ZCWPW2: variants seen among roughly 807,000 people sequenced by gnomAD.
The protein encoded by ZCWPW2 is zinc finger CW-type and PWWP domain containing 2.
ZCWPW2 carries 45 observed loss-of-function variants against 46.6 expected under a neutral mutation model. The ratio of observed to expected loss-of-function variants is 0.96; its 90% confidence interval spans 0.76 to 1.24. ZCWPW2 has a LOEUF of 1.24. ZCWPW2 is among the 50% of genes most tolerant of loss of function. The pLI is 0.00. For synonymous variants in ZCWPW2, 152 were observed against 137.1 expected (o/e 1.11, Z -0.76); for missense variants, 429 against 403.9 (o/e 1.06, Z -0.53).
At chr3:28,406,130 T>C (rs142134902) in intron 2 of ZCWPW2, among the ~76,000 whole-genome samples, 1 of 152,282 alleles carries the variant, frequency 6.6e-6, no homozygotes, top group Non-Finnish European at 1.5e-5. Flanking sequence ...TGACTGCTAA[T>C]AGTAAAGTAT....
Position 28,413,270 on chromosome 3 carries a change from T to A in ZCWPW2, c.202T>A (p.Tyr68Asn). 3 of 1,613,358 alleles carry A rather than the reference T, an allele frequency of 1.9e-6. No homozygotes were observed. Among genetic ancestry groups the A allele is most frequent in the Non-Finnish European group, 2.5e-6 (3 of 1,179,546 alleles). The change falls in exon 3 of 10, where the codon TAT becomes AAT. Residue 68 changes from tyrosine (Y) to asparagine (N), a missense_variant. By Grantham distance (143) the Tyr-to-Asn change is moderately radical. Transcript: ENST00000383768. ...CTGCTTCATGAACACTGATTCAAGATATAATAACTGCTCAATTTCTGAAGA... is the reference window on the plus strand; with the variant it reads ...CTGCTTCATGAACACTGATTCAAGAAATAATAACTGCTCAATTTCTGAAGA... ...WYCFMNTDSR[Y>N]NNCSISEEDF...
At chr3:28,436,431 C>T (rs1697502884) in intron 4 of ZCWPW2, among the ~76,000 whole-genome samples, 1 of 149,410 alleles carries the variant, frequency 6.7e-6, no homozygotes, top group Middle Eastern at 3.4e-3. Flanking sequence ...ACTACTGTGC[C>T]CAGCTGGATG....
chr3:28,514,228 G>A, intron 7 of ZCWPW2, 106 bp downstream of exon 7: 1 of 671,678 alleles, frequency 1.5e-6, no homozygotes, highest in Non-Finnish European at 2.1e-6. Context: ...TTTACGTCTA[G>A]TCAACCACTG....
chr3:28,501,317 T>A (rs1700136472), intron 6 of ZCWPW2, among the ~76,000 whole-genome samples: 1 of 152,168 alleles, frequency 6.6e-6, no homozygotes, highest in Non-Finnish European at 1.5e-5. Flanking sequence ...TTTCTTATTA[T>A]GCCAGCTCAG....
At chr3:28,353,350 T>A (rs879783712) in intron 1 of ZCWPW2, among the ~76,000 whole-genome samples, 8 of 152,212 alleles carry the variant, frequency 5.3e-5, no homozygotes, top group Non-Finnish European at 1.2e-4. Context: ...GATAGGGTGA[T>A]CAATTTAAAA....
chr3:28,362,061 A>T lies in ZCWPW2; in HGVS notation c.-134+12858A>T, dbSNP rs189986159. Among the ~76,000 whole-genome samples the T allele has an allele frequency of 1.2e-4, 19 of 152,302 alleles. No homozygotes were observed. In the East Asian group the frequency reaches 2.3e-3, roughly 19 times the overall value. ...GAATTAAAAAGAAGATCTGGAAGAGATATCTATATTCTCGTGTTCATTGCA... is the reference window on the plus strand; with the variant it reads ...GAATTAAAAAGAAGATCTGGAAGAGTTATCTATATTCTCGTGTTCATTGCA... On this transcript the variant is annotated intron_variant, in intron 1 of 9. Coordinates refer to ENST00000383768, the MANE Select transcript of ZCWPW2 (RefSeq NM_001040432.4).
At chr3:28,382,254 G>A (rs975749671) in intron 1 of ZCWPW2, among the ~76,000 whole-genome samples, 1 of 152,002 alleles carries the variant, frequency 6.6e-6, no homozygotes, top group African/African-American at 2.4e-5. Context: ...CTGTTGACAG[G>A]ATGGGTCCCT....
chr3:28,504,258 A>T (rs546052067), intron 6 of ZCWPW2, among the ~76,000 whole-genome samples: 1 of 152,278 alleles, frequency 6.6e-6, no homozygotes, highest in Admixed American at 6.5e-5. Context: ...TTGCCGTATC[A>T]TGAAATATTT....
At chr3:28,491,992 T>C in intron 5 of ZCWPW2, 135 bp from the exon 6 acceptor site, 1 of 815,644 alleles carries the variant, frequency 1.2e-6, no homozygotes, top group Non-Finnish European at 1.9e-6. Flanking sequence ...AGCATATTAA[T>C]TAAAGGGACA....
At chr3:28,417,691 G>C (rs1696660173) in intron 3 of ZCWPW2, among the ~76,000 whole-genome samples, 2 of 122,176 alleles carry the variant, frequency 1.6e-5, no homozygotes, top group South Asian at 6.3e-4. Context: ...TTCATCCCTG[G>C]GATGCAAGGC....
chr3:28,357,306 A>G (rs1704774399), intron 1 of ZCWPW2, among the ~76,000 whole-genome samples: 1 of 152,194 alleles, frequency 6.6e-6, no homozygotes, highest in African/African-American at 2.4e-5. Context: ...GGAGAAGGAA[A>G]ACGTCCAAAC....
At chr3:28,414,656 G>A (rs1302860131) in intron 3 of ZCWPW2, among the ~76,000 whole-genome samples, 2 of 120,134 alleles carry the variant, frequency 1.7e-5, no homozygotes, top group East Asian at 5.0e-4. Flanking sequence ...CCCTTCCTGT[G>A]TCCATGTGTT....
chr3:28,501,799 C>T (rs184975426), intron 6 of ZCWPW2, among the ~76,000 whole-genome samples: 1 of 152,060 alleles, frequency 6.6e-6, no homozygotes, highest in African/African-American at 2.4e-5. Flanking sequence ...CCCAGGCTGG[C>T]ATACACTGGC....
rs117730709 is a variant in ZCWPW2 at position 28,515,406 on chromosome 3, C to G, written c.717-148C>G. ...CTTTTTTGTTTTTCACTGCAACATA[C>G]TTTGTTACTACATAAAACAACCAAG... On this transcript the variant is annotated intron_variant, in intron 7 of 9. Coordinates refer to ENST00000383768, the MANE Select transcript of ZCWPW2 (RefSeq NM_001040432.4). The G allele has an allele frequency of 3.5e-5, 23 of 650,660 alleles. No homozygotes were observed. The East Asian group carries it at 4.7e-4, about 13-fold the overall frequency. 40.3% of individuals were successfully genotyped at this position (650,660 alleles called of 1,614,324 possible). A position where few individuals can be genotyped will look rare whatever the true frequency, so the allele number is the denominator to read the frequency against.
At position 28,423,589 on chromosome 3, in the gene ZCWPW2, A is replaced by C. The variant is rs201164844; in HGVS notation, c.332+10189A>C. ...CACCATGTTAGCCAGGATGGTCTCGATCTCCTAACCTCATGATCCTCCCAC... is the reference window on the plus strand; with the variant it reads ...CACCATGTTAGCCAGGATGGTCTCGCTCTCCTAACCTCATGATCCTCCCAC... On this transcript the variant is annotated intron_variant, in intron 3 of 9. Transcript: ENST00000383768. 4.6e-5 allele frequency among the ~76,000 whole-genome samples: 7 copies of C among 151,504 alleles called. No homozygotes were observed. In the East Asian group the frequency reaches 1.2e-3, roughly 25 times the overall value.
At chr3:28,480,771 G>A (rs149313360) in intron 5 of ZCWPW2, among the ~76,000 whole-genome samples, 1 of 151,928 alleles carries the variant, frequency 6.6e-6, no homozygotes, top group Non-Finnish European at 1.5e-5. Context: ...GTATAAGGAA[G>A]TGGGGCAGGG....
At chr3:28,428,189 T>G (rs1697098603) in intron 3 of ZCWPW2, 1 of 152,452 alleles carries the variant, frequency 6.6e-6, no homozygotes, top group Admixed American at 6.5e-5. Flanking sequence ...TGTGTGAACC[T>G]GATAATAACC....
rs138108786 is a variant in ZCWPW2, at chr3:28,522,075, G to C, written c.909+959G>C. 2.0e-3 allele frequency among the ~76,000 whole-genome samples: 300 copies of C among 152,224 alleles called. 3 individuals carry two copies. The highest frequency in any genetic ancestry group is 0.01 in the South Asian group (49 of 4,822). On this transcript the variant is annotated intron_variant, in intron 9 of 9. Transcript: ENST00000383768. ...TGGGAATTGAACAATGAGAACACTT[G>C]GACACAGGAAGGGGAACATCACACA... is the stretch of plus-strand genomic sequence containing the variant.
chr3:28,412,120 CT>C (rs1559494103), intron 2 of ZCWPW2, among the ~76,000 whole-genome samples: 1 of 151,844 alleles, frequency 6.6e-6, no homozygotes, highest in Non-Finnish European at 1.5e-5. Flanking sequence ...GGTGCTTATA[CT>C]TGGATAGTAT....
Sources: allele counts gnomAD v4.1 joint callset (sites outside exome capture counted in the v4.1 genomes callset), GRCh38; gene constraint gnomAD v4.1.1; transcripts MANE v1.5; gene names NCBI Gene and HGNC (gene_info 2026-07-23, HGNC 2026-07-21).